The following NEGR1 variants were observed in gnomAD, a reference collection of about 807,000 sequenced individuals.
NEGR1 encodes the protein IgLON family member 4.
NEGR1 carries 10 observed loss-of-function variants against 40.9 expected under a neutral mutation model. The observed-to-expected ratio is 0.24, with a 90% confidence interval of 0.15 to 0.42. The LOEUF (loss-of-function observed/expected upper bound fraction) is 0.42. NEGR1 is among the 10% of genes least tolerant of loss of function. The pLI, the probability that NEGR1 is intolerant of heterozygous loss-of-function variation, is 1.00. For synonymous variants in NEGR1, 185 were observed against 166.8 expected, an observed-to-expected ratio of 1.11 and a Z score of -0.84; for missense variants, 352 against 438.9, an observed-to-expected ratio of 0.80 and a Z score of 1.77.
chr1:71,770,420 G>A (rs1392634887), intron 3 of NEGR1, among the ~76,000 whole-genome samples: 2 of 152,144 alleles, frequency 1.3e-5, no homozygotes, highest in Non-Finnish European at 2.9e-5. Flanking sequence ...ACAGGAAGTA[G>A]CCTAGACTTC....
At chr1:71,479,071 AAGTT>A (rs1213157472) in intron 6 of NEGR1, among the ~76,000 whole-genome samples, 4 of 152,060 alleles carry the variant, frequency 2.6e-5, no homozygotes, top group Non-Finnish European at 4.4e-5. Context: ...TGTGCAACAT[AAGTT>A]ACTTTATTAA....
intron 3 of NEGR1, among the ~76,000 whole-genome samples, chr1:71,748,014 G>A (rs1190256285): frequency 2.0e-5 from 3 of 152,074 alleles, no homozygotes; most frequent in African/African-American, 7.2e-5. Context: ...GAAGCCTTCT[G>A]ATTTTGTAAA....
At chr1:71,947,294 C>T (rs1646030551) in intron 1 of NEGR1, among the ~76,000 whole-genome samples, 2 of 151,628 alleles carry the variant, frequency 1.3e-5, no homozygotes, top group South Asian at 4.1e-4. Context: ...TTTTTACTTA[C>T]AGGAAATAAA....
intron 1 of NEGR1, among the ~76,000 whole-genome samples, chr1:71,971,873 C>A (rs1165278463): frequency 1.3e-5 from 2 of 152,206 alleles, no homozygotes; most frequent in Non-Finnish European, 2.9e-5. Context: ...TTATCTGCTT[C>A]TTTCTCTGAA....
chr1:71,764,321 T>C (rs926297094), intron 3 of NEGR1, among the ~76,000 whole-genome samples: 10 of 152,218 alleles, frequency 6.6e-5, no homozygotes, highest in Non-Finnish European at 1.3e-4. Flanking sequence ...AAAGTAATTG[T>C]GGTTTTTGCA....
chr1:71,485,890 C>T (rs1646884684), intron 6 of NEGR1, among the ~76,000 whole-genome samples: 1 of 151,654 alleles, frequency 6.6e-6, no homozygotes, highest in Admixed American at 6.6e-5. Flanking sequence ...AATAAAGCTA[C>T]TATAAACATA....
chr1:71,606,988 G>C (rs1650094188), intron 5 of NEGR1, among the ~76,000 whole-genome samples: 1 of 152,100 alleles, frequency 6.6e-6, no homozygotes, highest in South Asian at 2.1e-4. Context: ...TGAAGATCTT[G>C]ATTTAAGATA....
At chr1:72,140,120 G>A (rs1017028830) in intron 1 of NEGR1, among the ~76,000 whole-genome samples, 5 of 151,962 alleles carry the variant, frequency 3.3e-5, no homozygotes, top group African/African-American at 9.7e-5. Context: ...CAGAGAAACT[G>A]GTTGAAGAGG....
At chr1:71,550,629 G>A (rs1648044350) in intron 6 of NEGR1, among the ~76,000 whole-genome samples, 1 of 151,518 alleles carries the variant, frequency 6.6e-6, no homozygotes, top group South Asian at 2.1e-4. Context: ...GCCATGGTCA[G>A]CCCCTGCACT....
At chr1:72,206,212 T>C (rs766895346) in intron 1 of NEGR1, among the ~76,000 whole-genome samples, 11 of 151,962 alleles carry the variant, frequency 7.2e-5, no homozygotes, top group Non-Finnish European at 1.2e-4. Flanking sequence ...TGAATGTGTA[T>C]GGGAAATGCT....
At chr1:71,472,029 C>T (rs1254242655) in intron 6 of NEGR1, among the ~76,000 whole-genome samples, 1 of 152,120 alleles carries the variant, frequency 6.6e-6, no homozygotes, top group Non-Finnish European at 1.5e-5. Context: ...GTCTTCTGAT[C>T]ACATGTTGTT....
intron 1 of NEGR1, among the ~76,000 whole-genome samples, chr1:72,167,503 CAT>C (rs1297514924): frequency 2.6e-5 from 4 of 151,824 alleles, no homozygotes; most frequent in African/African-American, 9.7e-5. Flanking sequence ...ACAAAGAAAT[CAT>C]ATATAGTGTT....
chr1:72,177,842 T>C (rs990074949), intron 1 of NEGR1, among the ~76,000 whole-genome samples: 1 of 151,908 alleles, frequency 6.6e-6, no homozygotes, highest in East Asian at 1.9e-4. Context: ...TTACAATGAC[T>C]AGGGAACACC....
At chr1:71,754,762 T>A (rs938648704) in intron 3 of NEGR1, among the ~76,000 whole-genome samples, 1 of 152,082 alleles carries the variant, frequency 6.6e-6, no homozygotes, top group African/African-American at 2.4e-5. Flanking sequence ...TTTCCATATA[T>A]CTTATTCTAT....
Position 71,792,764 on chromosome 1 carries a change from A to C in NEGR1, c.410-16467T>G, listed in dbSNP as rs566825148. On this transcript the variant is annotated intron_variant, in intron 2 of 6. Coordinates refer to ENST00000357731, the MANE Select transcript of NEGR1 (RefSeq NM_173808.3). ...CTGGAAGCTGTAACACTCAAATGGT[A>C]CCTTCAGGAACTAAGCTGTATGCTT... Among the ~76,000 whole-genome samples, 73 of 152,228 alleles carry C rather than the reference A, an allele frequency of 4.8e-4. 1 individual carries two copies. The highest frequency in any genetic ancestry group is 1.7e-3 in the African/African-American group (72 of 41,564).
chr1:71,793,950 G>C (rs879636054), intron 2 of NEGR1, among the ~76,000 whole-genome samples: 1 of 152,082 alleles, frequency 6.6e-6, no homozygotes, highest in Non-Finnish European at 1.5e-5. Context: ...CTGTAATTGT[G>C]AAATGTGAGG....
chr1:71,470,713 C>T (rs1347307546), intron 6 of NEGR1, among the ~76,000 whole-genome samples: 2 of 152,208 alleles, frequency 1.3e-5, no homozygotes, highest in East Asian at 1.9e-4. Context: ...TGAACTAACA[C>T]AGGCAGTGTT....
intron 1 of NEGR1, among the ~76,000 whole-genome samples, chr1:72,020,948 T>C (rs1333279843): frequency 6.6e-6 from 1 of 152,136 alleles, no homozygotes; most frequent in Non-Finnish European, 1.5e-5. Context: ...AAATAGGCTA[T>C]TAATGAGATT....
intron 1 of NEGR1, among the ~76,000 whole-genome samples, chr1:72,258,683 A>G (rs1655356161): frequency 6.6e-6 from 1 of 152,012 alleles, no homozygotes; most frequent in South Asian, 2.1e-4. Context: ...CTGTTTTGAA[A>G]CTCTACCTTA....
Sources: gnomAD v4.1 joint callset for allele counts (sites outside exome capture counted in the v4.1 genomes callset) on GRCh38, gnomAD v4.1.1 for gene constraint, MANE v1.5 for transcripts, NCBI Gene and HGNC (gene_info 2026-07-23, HGNC 2026-07-21) for gene names.